Variants in KLHL25 observed in about 807,000 individuals in gnomAD.
The protein encoded by KLHL25 is kelch like family member 25, also known as kelch-like protein 25.
A neutral mutation model predicts 30.0 loss-of-function variants in KLHL25; 41 were observed. The observed-to-expected ratio is 1.37, with a 90% confidence interval of 1.07 to 1.78. KLHL25 has a LOEUF of 1.78. Among genes scored for constraint, KLHL25 ranks in the 40% most tolerant of loss-of-function variants. The pLI is 0.00. For missense variants in KLHL25, 971 were observed against 824.5 expected (o/e 1.18, Z -2.18); for synonymous variants, 399 against 355.3 (o/e 1.12, Z -1.38).
Position 85,768,998 on chromosome 15 carries a change from G to C in KLHL25, c.813C>G (p.Arg271=). 1 of 1,612,182 alleles carries C rather than the reference G, an allele frequency of 6.2e-7. No homozygotes were observed. The highest frequency in any genetic ancestry group is 8.5e-7 in the Non-Finnish European group (1 of 1,179,830). ...RTKLIMDEAL[R]CKTRILQNDG... is the part of the protein sequence containing the mutation. Reference sequence around the variant, plus strand: ...CATTCTGCAGGATCCTGGTCTTGCAGCGCAGGGCCTCATCCATGATAAGCT... The same window carrying C: ...CATTCTGCAGGATCCTGGTCTTGCACCGCAGGGCCTCATCCATGATAAGCT... Residue 271 remains arginine (R), a synonymous_variant, in exon 2 of 3, where the codon CGC becomes CGG. Transcript: ENST00000337975.
chr15:85,788,313 C>G (rs890964868), intron 1 of KLHL25, among the ~76,000 whole-genome samples: 1 of 152,128 alleles, frequency 6.6e-6, no homozygotes, highest in Non-Finnish European at 1.5e-5. Context: ...AATGTCACCA[C>G]CCCAGAGAGG....
At chr15:85,777,420 C>A (rs1444249507) in intron 1 of KLHL25, among the ~76,000 whole-genome samples, 1 of 152,160 alleles carries the variant, frequency 6.6e-6, no homozygotes, top group African/African-American at 2.4e-5. Flanking sequence ...CACAGTGTCC[C>A]TTGTGGACAA....
intron 1 of KLHL25, among the ~76,000 whole-genome samples, chr15:85,782,285 G>A (rs2089748790): frequency 6.6e-6 from 1 of 151,828 alleles, no homozygotes; most frequent in South Asian, 2.1e-4. Context: ...ATCCTTCCTG[G>A]GACCTTGCAT....
At chr15:85,776,605 T>C (rs562370560) in intron 1 of KLHL25, among the ~76,000 whole-genome samples, 2 of 152,226 alleles carry the variant, frequency 1.3e-5, no homozygotes, top group South Asian at 4.1e-4. Context: ...ATTTATTTAG[T>C]TTGGTTTTGT....
At chr15:85,784,656 T>C (rs2089768206) in intron 1 of KLHL25, among the ~76,000 whole-genome samples, 1 of 152,110 alleles carries the variant, frequency 6.6e-6, no homozygotes, top group Admixed American at 6.5e-5. Flanking sequence ...TGGAGGGCAT[T>C]GAGACTAGAA....
chr15:85,775,493 A>C (rs1418629094), intron 1 of KLHL25, among the ~76,000 whole-genome samples: 1 of 152,040 alleles, frequency 6.6e-6, no homozygotes, highest in Non-Finnish European at 1.5e-5. Flanking sequence ...TCAGGATTCC[A>C]CCAACAATGA....
In KLHL25 at chr15:85,789,368, C is replaced by T. The variant is rs536127063; in HGVS notation, c.-11+5398G>A. On this transcript the variant is annotated intron_variant, in intron 1 of 2. Coordinates refer to ENST00000337975, the MANE Select transcript of KLHL25 (RefSeq NM_022480.4). The surrounding 1 kb of genome is among the most constrained non-coding windows in gnomAD (Gnocchi z 4.1). ...TGCTCAGTCGCCTCCTCCTGCCCTG[C>T]TGGGCTCCCTTGAGATCCCTTTTTT... is the stretch of plus-strand genomic sequence containing the variant. 5.3e-5 allele frequency among the ~76,000 whole-genome samples: 8 copies of T among 150,110 alleles called. No homozygotes were observed. In the South Asian group the frequency reaches 1.7e-3, roughly 32 times the overall value.
chr15:85,769,776 C>T lies in KLHL25; in HGVS notation c.35G>A (p.Arg12Gln), dbSNP rs767850303. 9.3e-6 allele frequency: 15 copies of T among 1,611,836 alleles called. No individual in the cohort carries two copies. The highest frequency in any genetic ancestry group is 1.6e-4 in the Middle Eastern group (1 of 6,082). The change falls in exon 2 of 3, where the codon CGG becomes CAG. Residue 12 changes from arginine to glutamine, a missense_variant. Arg to Gln is a conservative substitution (Grantham distance 43). Coordinates refer to ENST00000337975, the MANE Select transcript of KLHL25 (RefSeq NM_022480.4). Reference sequence around the variant, plus strand: ...GACGTTCATGGACCCCGTGCTGCTCCGCGACTTGCGGGTCTCATGGACACT... The same window carrying T: ...GACGTTCATGGACCCCGTGCTGCTCTGCGACTTGCGGGTCTCATGGACACT... Reference protein sequence around the residue: ...SVSVHETRKSRSSTGSMNVTL... With the variant: ...SVSVHETRKSQSSTGSMNVTL...
intron 1 of KLHL25, among the ~76,000 whole-genome samples, chr15:85,786,351 TG>T (rs2089781343): frequency 6.6e-6 from 1 of 152,006 alleles, no homozygotes; most frequent in Non-Finnish European, 1.5e-5. Flanking sequence ...TCCTGAAGGG[TG>T]GGGAGAGCCT....
In KLHL25 at chr15:85,768,130, T is replaced by C; in HGVS notation, c.1681A>G (p.Thr561Ala). The C allele has an allele frequency of 6.2e-7, 1 of 1,614,210 alleles. No homozygotes were observed. Among genetic ancestry groups the C allele is most frequent in the Non-Finnish European group, 8.5e-7 (1 of 1,180,036 alleles). ...GTGATGCAGTTCCATGTATCTGAAG[T>C]GGGGTCATAGCAGTCCAGAGTCTTA... ...RCKTLDCYDPTSDTWNCITTV... is the reference protein window; with the variant it reads ...RCKTLDCYDPASDTWNCITTV... The change falls in exon 2 of 3, where the codon ACT (threonine) becomes GCT (alanine). Residue 561 changes from threonine to alanine, a missense_variant. Coordinates refer to ENST00000337975, the MANE Select transcript of KLHL25 (RefSeq NM_022480.4).
At chr15:85,792,274 C>T (rs942280134) in intron 1 of KLHL25, among the ~76,000 whole-genome samples, 1 of 152,206 alleles carries the variant, frequency 6.6e-6, no homozygotes, top group Non-Finnish European at 1.5e-5. Context: ...CCTCTACCCC[C>T]AGCTTGTTCC....
chr15:85,765,694 C>A (rs1228688474), intron 2 of KLHL25, among the ~76,000 whole-genome samples: 2 of 147,486 alleles, frequency 1.4e-5, no homozygotes, highest in South Asian at 4.3e-4. Flanking sequence ...AAGCCAGATG[C>A]GGTGGCACAC....
chr15:85,794,451 T>A (rs891669934), intron 1 of KLHL25, among the ~76,000 whole-genome samples: 4 of 152,220 alleles, frequency 2.6e-5, no homozygotes, highest in African/African-American at 9.6e-5. Context: ...GCGGACTCAA[T>A]GAATCAACCA....
At chr15:85,762,447 CT>C (rs2089589398) in intron 2 of KLHL25, 1 of 7,272 alleles carries the variant, frequency 1.4e-4, no homozygotes, top group Non-Finnish European at 6.2e-4. Context: ...CCCTCTCAGG[CT>C]GGGTCCCTTT....
chr15:85,774,332 G>A (rs538607422), intron 1 of KLHL25, among the ~76,000 whole-genome samples: 2 of 152,278 alleles, frequency 1.3e-5, no homozygotes, highest in East Asian at 1.9e-4. Flanking sequence ...ATCCTGCTAC[G>A]AGGGGTGGAT....
At chr15:85,775,826 G>T (rs548160402) in intron 1 of KLHL25, among the ~76,000 whole-genome samples, 4 of 148,714 alleles carry the variant, frequency 2.7e-5, no homozygotes, top group East Asian at 2.0e-4. Flanking sequence ...CCATGTGTGA[G>T]GGCGCCCAGC....
At chr15:85,764,043 G>A (rs531616949) in intron 2 of KLHL25, 2 of 152,444 alleles carry the variant, frequency 1.3e-5, no homozygotes, top group South Asian at 4.1e-4. Flanking sequence ...GCCTGAGTTG[G>A]GGGCTCTCCT....
chr15:85,763,131 G>C (rs1054206139), intron 2 of KLHL25: 2 of 152,462 alleles, frequency 1.3e-5, no homozygotes, highest in African/African-American at 4.8e-5. Context: ...AGGAGAGAAT[G>C]TTCACAGCAA....
chr15:85,767,150 C>G (rs2089630587), intron 2 of KLHL25, among the ~76,000 whole-genome samples: 1 of 152,164 alleles, frequency 6.6e-6, no homozygotes, highest in African/African-American at 2.4e-5. Flanking sequence ...ACCACCATGC[C>G]TGGCTCATTT....
Sources: gnomAD v4.1 joint callset for allele counts (sites outside exome capture counted in the v4.1 genomes callset) on GRCh38, gnomAD v4.1.1 for gene constraint, Gnocchi (gnomAD v3.1) non-coding constraint, MANE v1.5 for transcripts, NCBI Gene and HGNC (gene_info 2026-07-23, HGNC 2026-07-21) for gene names.